The following CIB2 variants were observed in gnomAD, a reference collection of about 807,000 sequenced individuals.
The protein encoded by CIB2 is calcium and integrin binding family member 2, also known as calcium and integrin-binding family member 2.
In CIB2, 19 loss-of-function variants were observed where a neutral mutation model predicts 23.1. The observed-to-expected ratio is 0.82, with a 90% CI of 0.57 to 1.21. The LOEUF is 1.21. CIB2 is among the 50% of genes most tolerant of loss of function. The pLI is 0.00. For synonymous variants in CIB2, 94 were observed against 91.7 expected (o/e 1.03, Z -0.14); for missense variants, 220 against 241.5 (o/e 0.91, Z 0.59).
At chr15:78,109,807 CAAAAAAAAAA>C (rs61214041) in intron 3 of CIB2, among the ~76,000 whole-genome samples, 3 of 87,228 alleles carry the variant, frequency 3.4e-5, no homozygotes, top group African/African-American at 1.4e-4. Flanking sequence ...ACCATGTCTC[CAAAAAAAAAA>C]AAAAAAAAAA....
chr15:78,126,692 G>A (rs773212393), intron 1 of CIB2, among the ~76,000 whole-genome samples: 1 of 152,202 alleles, frequency 6.6e-6, no homozygotes, highest in Admixed American at 6.5e-5. Context: ...CAGCAGTTAC[G>A]TTATTTCAGT....
chr15:78,131,305 C>G lies in CIB2; in HGVS notation c.-90G>C. On this transcript the variant is annotated 5_prime_UTR_variant, in exon 1 of 6. Transcript: ENST00000258930. The surrounding 1 kb of genome is among the most constrained non-coding windows in gnomAD (Gnocchi z 5.8). Reference sequence around the variant, plus strand: ...GAGCCAGCGCCCCGTGCCCGCGGCCCTCGGCAGCCCCGCGGCTGGCAGCGG... The same window carrying G: ...GAGCCAGCGCCCCGTGCCCGCGGCCGTCGGCAGCCCCGCGGCTGGCAGCGG... 8.5e-6 allele frequency: 9 copies of G among 1,064,518 alleles called. No individual in the cohort carries two copies. Among genetic ancestry groups the G allele is most frequent in the Non-Finnish European group, 1.0e-5 (9 of 858,240 alleles). The allele number at this position is 1,064,518 out of a possible 1,614,324, so 65.9% of individuals were successfully genotyped here. A position where few individuals can be genotyped will look rare whatever the true frequency, so the allele number is the denominator to read the frequency against.
At chr15:78,111,338 G>T (rs1374005821) in intron 2 of CIB2, 62 bp from the exon 3 acceptor site, 2 of 1,358,362 alleles carry the variant, frequency 1.5e-6, no homozygotes, top group African/African-American at 1.4e-5. Context: ...CAGCAGCCCG[G>T]TGCTGTCCTG....
chr15:78,113,267 T>C (rs2074186135), intron 2 of CIB2, among the ~76,000 whole-genome samples: 1 of 152,116 alleles, frequency 6.6e-6, no homozygotes, highest in Non-Finnish European at 1.5e-5. Flanking sequence ...CACATTCCTA[T>C]AAAAGGGTCT....
intron 2 of CIB2, among the ~76,000 whole-genome samples, chr15:78,122,439 A>G (rs2074332548): frequency 6.6e-6 from 1 of 152,228 alleles, no homozygotes; most frequent in Admixed American, 6.5e-5. Context: ...ATGAGGCTCC[A>G]TGCCAAGAAC....
At chr15:78,129,361 G>A (rs1202667382) in intron 1 of CIB2, among the ~76,000 whole-genome samples, 2 of 152,142 alleles carry the variant, frequency 1.3e-5, no homozygotes, top group African/African-American at 4.8e-5. Flanking sequence ...GCTCCGATGA[G>A]TAACCCAATG....
intron 4 of CIB2, among the ~76,000 whole-genome samples, chr15:78,106,155 A>T (rs1217307596): frequency 1.3e-5 from 2 of 152,188 alleles, no homozygotes; most frequent in Non-Finnish European, 1.5e-5. Context: ...CAACAACCCC[A>T]CAATGACTAA....
At chr15:78,126,007 G>A (rs923218227) in intron 1 of CIB2, among the ~76,000 whole-genome samples, 4 of 152,120 alleles carry the variant, frequency 2.6e-5, no homozygotes, top group African/African-American at 7.2e-5. Context: ...AGCCAATGGG[G>A]GTGGGCATTA....
At chr15:78,115,151 T>C (rs12440984) in intron 2 of CIB2, among the ~76,000 whole-genome samples, 27,435 of 152,264 alleles carry the variant, frequency 0.18, 2,921 homozygotes, top group Non-Finnish European at 0.24. Context: ...TTTACACTGA[T>C]AGTCCCTGGG....
intron 1 of CIB2, among the ~76,000 whole-genome samples, chr15:78,130,261 C>A (rs2074435947): frequency 6.6e-6 from 1 of 152,014 alleles, no homozygotes; most frequent in Non-Finnish European, 1.5e-5. Flanking sequence ...GGAAAGGCAT[C>A]CAGGCCCAGG....
rs538415814 is a variant in CIB2 at position 78,108,830 on chromosome 15, C to T, written c.346+405G>A. Among the ~76,000 whole-genome samples the T allele has an allele frequency of 7.9e-5, 12 of 152,340 alleles. No homozygotes were observed. In the East Asian group the frequency reaches 1.9e-3, roughly 24 times the overall value. On this transcript the variant is annotated intron_variant, in intron 4 of 5. Transcript: ENST00000258930. ...AGATTCTCTCCAGACTCATACCGCC[C>T]CCTGTCCCACCACCTTCCAAGTTCC... is the stretch of plus-strand genomic sequence containing the variant.
At chr15:78,124,639 T>C (rs2074359994) in intron 1 of CIB2, among the ~76,000 whole-genome samples, 1 of 152,152 alleles carries the variant, frequency 6.6e-6, no homozygotes, top group African/African-American at 2.4e-5. Context: ...TAAAGGGCTT[T>C]TGTGCACCTC....
At chr15:78,126,148 C>CA (rs141063235) in intron 1 of CIB2, among the ~76,000 whole-genome samples, 1 of 149,130 alleles carries the variant, frequency 6.7e-6, no homozygotes. Flanking sequence ...CTGCCCCCCC[C>CA]CCTTTTTTTT....
intron 1 of CIB2, among the ~76,000 whole-genome samples, chr15:78,125,680 G>A (rs1174227627): frequency 6.6e-6 from 1 of 152,138 alleles, no homozygotes; most frequent in Non-Finnish European, 1.5e-5. Context: ...AAACTCTGTG[G>A]GTGGGGTCCA....
At chr15:78,107,670 T>C (rs949355982) in intron 4 of CIB2, among the ~76,000 whole-genome samples, 3 of 152,150 alleles carry the variant, frequency 2.0e-5, no homozygotes, top group African/African-American at 7.2e-5. Flanking sequence ...GCCCCTGTCT[T>C]GGGCAGACAG....
intron 4 of CIB2, among the ~76,000 whole-genome samples, chr15:78,106,994 C>A (rs1050665241): frequency 6.6e-6 from 1 of 151,780 alleles, no homozygotes; most frequent in Non-Finnish European, 1.5e-5. Flanking sequence ...TTTGCGAGTC[C>A]GAGGTGGGTG....
Position 78,123,572 on chromosome 15 carries a change from C to T in CIB2, c.86+133G>A, listed in dbSNP as rs2074345942. On this transcript the variant is annotated intron_variant, in intron 2 of 5. Coordinates refer to ENST00000258930, the MANE Select transcript of CIB2 (RefSeq NM_006383.4). ...TCCTAGCCCAGTGGCCGAGTGGGGA[C>T]CTGAATGTGGCTCCTGATACATGCT... 4 of 906,990 alleles carry T rather than the reference C, an allele frequency of 4.4e-6. No homozygotes were observed. The South Asian group carries it at 5.4e-5, about 12-fold the overall frequency. The allele number at this position is 906,990 out of a possible 1,614,324, so 56.2% of individuals were successfully genotyped here.
At chr15:78,129,602 C>T (rs1249725896) in intron 1 of CIB2, among the ~76,000 whole-genome samples, 5 of 152,208 alleles carry the variant, frequency 3.3e-5, no homozygotes, top group Non-Finnish European at 7.3e-5. Context: ...CTGCTGGCCT[C>T]CCACTGCCCA....
At chr15:78,124,350 G>C (rs1378970673) in intron 1 of CIB2, among the ~76,000 whole-genome samples, 1 of 152,026 alleles carries the variant, frequency 6.6e-6, no homozygotes, top group African/African-American at 2.4e-5. Flanking sequence ...GGGGGAACCA[G>C]GTAGCATCTG....
Sources: allele counts gnomAD v4.1 joint callset (sites outside exome capture counted in the v4.1 genomes callset), GRCh38; gene constraint gnomAD v4.1.1; non-coding constraint Gnocchi (gnomAD v3.1); transcripts MANE v1.5; gene names NCBI Gene and HGNC (gene_info 2026-07-23, HGNC 2026-07-21).